The following SYT14 variants were observed in gnomAD, a reference collection of about 807,000 sequenced individuals.
SYT14 encodes synaptotagmin 14.
Under a neutral mutation model 74.2 loss-of-function variants are expected in SYT14, and 32 were observed. The observed-to-expected ratio is 0.43, with a 90% CI of 0.33 to 0.58. The LOEUF is 0.58. Among genes scored for constraint, SYT14 ranks in the 20% least tolerant of loss-of-function variants. SYT14 has a pLI of 0.05. For synonymous variants in SYT14, 298 were observed against 337.7 expected (o/e 0.88, Z 1.29); for missense variants, 791 against 981.8 (o/e 0.81, Z 2.60).
chr1:210,124,938 G>C (rs982111992), intron 7 of SYT14, among the ~76,000 whole-genome samples: 1 of 151,980 alleles, frequency 6.6e-6, no homozygotes, highest in Non-Finnish European at 1.5e-5. Flanking sequence ...ATGCTAGTCA[G>C]GTTCCAACAA....
chr1:210,143,859 T>G (rs1002690503), intron 7 of SYT14, among the ~76,000 whole-genome samples: 14 of 152,314 alleles, frequency 9.2e-5, no homozygotes, highest in Non-Finnish European at 1.8e-4. Flanking sequence ...TCTTATTTTA[T>G]AATATTTACT....
intron 5 of SYT14, among the ~76,000 whole-genome samples, chr1:210,033,449 A>G (rs1321339777): frequency 6.6e-6 from 1 of 151,754 alleles, no homozygotes; most frequent in Non-Finnish European, 1.5e-5. Context: ...TCTTTTTGAG[A>G]TTTCCTACCT....
At chr1:210,145,340 T>C (rs1159114806) in intron 7 of SYT14, among the ~76,000 whole-genome samples, 1 of 152,200 alleles carries the variant, frequency 6.6e-6, no homozygotes, top group Non-Finnish European at 1.5e-5. Flanking sequence ...TTTTTGAAGA[T>C]GTATATCTGA....
chr1:210,029,453 C>T (rs554250549), intron 5 of SYT14, among the ~76,000 whole-genome samples: 10 of 152,152 alleles, frequency 6.6e-5, no homozygotes, highest in East Asian at 1.9e-4. Context: ...ATACGATATT[C>T]GGCAAGGGTT....
chr1:210,015,937 A>T, exon 4 of SYT14: 1 of 1,230,912 alleles, frequency 8.1e-7, no homozygotes, highest in Admixed American at 4.2e-5. Flanking sequence ...TTCAAGTTCC[A>T]AAGTGGTTGA....
chr1:209,964,066 G>C (rs1220077763), intron 2 of SYT14, among the ~76,000 whole-genome samples: 1 of 152,130 alleles, frequency 6.6e-6, no homozygotes, highest in East Asian at 1.9e-4. Flanking sequence ...ATCTCATCTT[G>C]AATTGTAATC....
chr1:210,017,211 G>A (rs2102936371), intron 4 of SYT14: 1 of 708,060 alleles, frequency 1.4e-6, no homozygotes, highest in Admixed American at 4.3e-5. Flanking sequence ...CTATATTTAA[G>A]ACTTTCTTGA....
At chr1:209,947,826 T>G (rs1242548507) in intron 1 of SYT14, among the ~76,000 whole-genome samples, 3 of 152,192 alleles carry the variant, frequency 2.0e-5, no homozygotes, top group Admixed American at 1.3e-4. Context: ...TGTGGTAAAC[T>G]TCATTGTCTA....
chr1:210,084,959 C>T (rs905248317), intron 5 of SYT14, among the ~76,000 whole-genome samples: 2 of 152,174 alleles, frequency 1.3e-5, no homozygotes, highest in South Asian at 4.1e-4. Context: ...TTTGAGATGC[C>T]GTGTTACTGG....
At chr1:210,057,588 A>T (rs562406263) in intron 5 of SYT14, among the ~76,000 whole-genome samples, 37 of 152,242 alleles carry the variant, frequency 2.4e-4, no homozygotes, top group African/African-American at 6.7e-4. Context: ...TAAATCAATA[A>T]TTTTTTTATT....
intron 5 of SYT14, among the ~76,000 whole-genome samples, chr1:210,074,745 C>T (rs2081459404): frequency 6.6e-6 from 1 of 152,180 alleles, no homozygotes; most frequent in Admixed American, 6.5e-5. Context: ...TTCTTCAGTG[C>T]CCCGCTACTC....
chr1:209,995,202 T>C (rs1267489135), intron 2 of SYT14, among the ~76,000 whole-genome samples: 1 of 151,928 alleles, frequency 6.6e-6, no homozygotes, highest in Non-Finnish European at 1.5e-5. Context: ...AGTGGCAAGG[T>C]GGATAAAAAG....
At chr1:210,053,827 A>G (rs370899777) in intron 5 of SYT14, among the ~76,000 whole-genome samples, 1 of 152,166 alleles carries the variant, frequency 6.6e-6, no homozygotes, top group East Asian at 1.9e-4. Flanking sequence ...TACAAACTCA[A>G]CAGTCTTTTT....
At chr1:209,964,150 T>C (rs1043199713) in intron 2 of SYT14, among the ~76,000 whole-genome samples, 4 of 152,170 alleles carry the variant, frequency 2.6e-5, no homozygotes, top group African/African-American at 7.2e-5. Flanking sequence ...TCCCCCATGC[T>C]GTTCTCGTGT....
At chr1:210,094,289 G>GGAAA (rs774232021) in intron 5 of SYT14, 33 bp from the exon 5 acceptor site, 1 of 1,613,488 alleles carries the variant, frequency 6.2e-7, no homozygotes, top group Non-Finnish European at 8.5e-7. Flanking sequence ...GAGGCTAATT[G>GGAAA]GAAACAGTGA....
At chr1:210,034,205 T>C (rs2080603576) in intron 5 of SYT14, among the ~76,000 whole-genome samples, 1 of 151,840 alleles carries the variant, frequency 6.6e-6, no homozygotes, top group South Asian at 2.1e-4. Context: ...GGAACTTAGG[T>C]CTAAGGTTAA....
intron 5 of SYT14, among the ~76,000 whole-genome samples, chr1:210,048,453 CAA>C (rs979422425): frequency 9.2e-5 from 14 of 152,306 alleles, no homozygotes; most frequent in African/African-American, 2.4e-4. Flanking sequence ...GCAGACAAGA[CAA>C]GAGAGCTGCT....
intron 7 of SYT14, among the ~76,000 whole-genome samples, chr1:210,101,028 A>G (rs1468515595): frequency 6.6e-6 from 1 of 152,150 alleles, no homozygotes; most frequent in Non-Finnish European, 1.5e-5. Context: ...AGAACCCTTA[A>G]GCTTAGTACT....
At chr1:209,979,651 G>C (rs770818747) in intron 2 of SYT14, among the ~76,000 whole-genome samples, 3 of 152,020 alleles carry the variant, frequency 2.0e-5, no homozygotes, top group Non-Finnish European at 4.4e-5. Context: ...TCCCCACCAT[G>C]GGTCCATATG....
Sources: allele counts gnomAD v4.1 joint callset (sites outside exome capture counted in the v4.1 genomes callset), GRCh38; gene constraint gnomAD v4.1.1; transcripts MANE v1.5; gene names NCBI Gene and HGNC (gene_info 2026-07-23, HGNC 2026-07-21).